Variants in SLCO3A1 observed in about 807,000 individuals in gnomAD.
The protein encoded by SLCO3A1 is solute carrier organic anion transporter family member 3A1, also known as PGE1 transporter.
A neutral mutation model predicts 63.1 loss-of-function variants in SLCO3A1; 27 were observed. That is an observed-to-expected ratio of 0.43 (90% CI 0.32 to 0.59). The LOEUF is 0.59. Among genes scored for constraint, SLCO3A1 ranks in the 20% least tolerant of loss-of-function variants. SLCO3A1 has a pLI of 0.09. For missense variants in SLCO3A1, 773 were observed against 945.8 expected (o/e 0.82, Z 2.40); for synonymous variants, 473 against 409.9 (o/e 1.15, Z -1.86).
At chr15:91,991,721 C>G (rs1430360053) in intron 2 of SLCO3A1, among the ~76,000 whole-genome samples, 1 of 152,220 alleles carries the variant, frequency 6.6e-6, no homozygotes, top group Non-Finnish European at 1.5e-5. Context: ...GCATGTAAGT[C>G]TTTATGCTTT....
At chr15:92,108,222 T>G (rs1252907409) in intron 4 of SLCO3A1, among the ~76,000 whole-genome samples, 1 of 152,212 alleles carries the variant, frequency 6.6e-6, no homozygotes, top group Non-Finnish European at 1.5e-5. Flanking sequence ...AACAAATGCT[T>G]GGGTTTGTTA....
intron 2 of SLCO3A1, among the ~76,000 whole-genome samples, chr15:92,039,218 A>T (rs568212708): frequency 6.6e-6 from 1 of 152,220 alleles, no homozygotes; most frequent in African/African-American, 2.4e-5. Context: ...ACAAAACCCA[A>T]AATTGACAAA....
intron 2 of SLCO3A1, among the ~76,000 whole-genome samples, chr15:92,054,455 T>A (rs66521580): frequency 0.15 from 22,869 of 152,168 alleles, 1,758 homozygotes; most frequent in African/African-American, 0.17. Flanking sequence ...AGCCCTCTAT[T>A]ATTGTTTTTT....
intron 1 of SLCO3A1, among the ~76,000 whole-genome samples, chr15:91,884,036 G>A (rs898282503): frequency 1.3e-5 from 2 of 152,184 alleles, no homozygotes; most frequent in East Asian, 3.8e-4. Context: ...AATAAGAATC[G>A]TGATCGTATC....
rs1381353826 is a variant in SLCO3A1, at chr15:92,164,872, C to A, written c.*1737C>A. 7 of 985,292 alleles carry A rather than the reference C, an allele frequency of 7.1e-6. No homozygotes were observed. The highest frequency in any genetic ancestry group is 3.5e-5 in the African/African-American group (2 of 57,242). The allele number at this position is 985,292 out of a possible 1,614,324, so 61.0% of individuals were successfully genotyped here. A position where few individuals can be genotyped will look rare whatever the true frequency, so the allele number is the denominator to read the frequency against. ...GCTTAGGTAAAGGCACACACTCATA[C>A]ACACACAACAAAGGGCCCTGCTAAC... is the stretch of plus-strand genomic sequence containing the variant. On this transcript the variant is annotated 3_prime_UTR_variant, in exon 10 of 10. Transcript: ENST00000318445.
intron 2 of SLCO3A1, among the ~76,000 whole-genome samples, chr15:92,017,836 G>A (rs964879404): frequency 1.3e-5 from 2 of 152,170 alleles, no homozygotes; most frequent in Admixed American, 1.3e-4. Context: ...CAGCAGACCA[G>A]GGTGGAGGCT....
chr15:92,158,111 T>C (rs562466949), intron 9 of SLCO3A1, among the ~76,000 whole-genome samples: 1 of 152,328 alleles, frequency 6.6e-6, no homozygotes, highest in African/African-American at 2.4e-5. Context: ...GCCTCAGGTG[T>C]CCAGCGAAAT....
At chr15:91,867,034 G>C (rs1291495750) in intron 1 of SLCO3A1, among the ~76,000 whole-genome samples, 1 of 152,234 alleles carries the variant, frequency 6.6e-6, no homozygotes, top group Non-Finnish European at 1.5e-5. Context: ...TTGGAAACCT[G>C]GGATGGAGAA....
downstream of SLCO3A1, among the ~76,000 whole-genome samples, chr15:92,169,330 A>G (rs1000049856): frequency 1.5e-4 from 23 of 152,124 alleles, no homozygotes; most frequent in African/African-American, 5.1e-4. Context: ...ACCCATAACC[A>G]CTATGGGTAC....
intron 4 of SLCO3A1, among the ~76,000 whole-genome samples, chr15:92,108,341 C>T (rs917734474): frequency 1.3e-5 from 2 of 152,218 alleles, no homozygotes; most frequent in African/African-American, 4.8e-5. Flanking sequence ...TGGCTCTGCT[C>T]CTCCCTGATC....
At position 91,854,292 on chromosome 15, in the gene SLCO3A1, G is replaced by A. The variant is rs1208668799; in HGVS notation, c.180+204G>A. On this transcript the variant is annotated intron_variant, in intron 1 of 9. Transcript: ENST00000318445. This position sits in a 1 kb window ranked among gnomAD's most constrained non-coding sequence, Gnocchi z 6.4. ...CAGCGAGCGGGTAGCGGGCGGGACC[G>A]TTGATGCCGGTAGCAGCTCGCGCGC... 2.7e-6 allele frequency: 3 copies of A among 1,128,342 alleles called. No homozygotes were observed. The highest frequency in any genetic ancestry group is 3.3e-6 in the Non-Finnish European group (3 of 920,912). 69.9% of individuals were successfully genotyped at this position (1,128,342 alleles called of 1,614,324 possible).
At chr15:92,081,349 TTTC>T (rs1019610330) in intron 2 of SLCO3A1, among the ~76,000 whole-genome samples, 2 of 151,924 alleles carry the variant, frequency 1.3e-5, no homozygotes, top group African/African-American at 2.4e-5. Context: ...TGCTTTTTTT[TTTC>T]TTTTTCTCCT....
At chr15:92,003,422 T>A (rs2046278393) in intron 2 of SLCO3A1, among the ~76,000 whole-genome samples, 1 of 152,246 alleles carries the variant, frequency 6.6e-6, no homozygotes, top group Non-Finnish European at 1.5e-5. Context: ...TAGTACTTTA[T>A]TAGTTTTTCA....
In SLCO3A1 at chr15:92,165,024, A is replaced by AAGAG; in HGVS notation, c.*1890_*1891insGAGA. ...TTTGCATTTTACCCACAAGGCAAAC[A>AAGAG]AAAGAATCAGGAAGTAAAAAATGGT... On this transcript the variant is annotated 3_prime_UTR_variant, in exon 10 of 10. Transcript: ENST00000318445. 1.0e-6 allele frequency: 1 copy of AAGAG among 985,386 alleles called. No individual in the cohort carries two copies. 61.0% of individuals were successfully genotyped at this position (985,386 alleles called of 1,614,324 possible).
At chr15:92,040,209 T>TAA (rs1175535414) in intron 2 of SLCO3A1, among the ~76,000 whole-genome samples, 1 of 152,044 alleles carries the variant, frequency 6.6e-6, no homozygotes, top group Non-Finnish European at 1.5e-5. Context: ...GAACTCAAAG[T>TAA]AAAAAATTAA....
chr15:91,873,931 G>C (rs2151336667), intron 1 of SLCO3A1, among the ~76,000 whole-genome samples: 2 of 151,854 alleles, frequency 1.3e-5, no homozygotes, highest in Middle Eastern at 6.8e-3. Context: ...CTTTATTGTG[G>C]AAAATTACAC....
chr15:91,855,763 T>G (rs1325013039), intron 1 of SLCO3A1, among the ~76,000 whole-genome samples: 1 of 152,160 alleles, frequency 6.6e-6, no homozygotes, highest in Non-Finnish European at 1.5e-5. Context: ...TGTGGGTCTG[T>G]ACTGTGACAT....
intron 2 of SLCO3A1, among the ~76,000 whole-genome samples, chr15:92,061,610 C>G (rs2047087029): frequency 6.6e-6 from 1 of 152,200 alleles, no homozygotes; most frequent in Non-Finnish European, 1.5e-5. Flanking sequence ...TGGGAAGATC[C>G]TAAGAAAGCT....
chr15:92,104,276 C>T lies in SLCO3A1; in HGVS notation c.746-3C>T. On this transcript the variant is annotated splice_polypyrimidine_tract_variant and splice_region_variant and intron_variant, in intron 3 of 9. Transcript: ENST00000318445. ...CACTAAGCTGTGCTCTTTCCATTTA[C>T]AGGTAACCTGGACATCACTCCGGAC... The T allele has an allele frequency of 6.2e-7, 1 of 1,614,092 alleles. No homozygotes were observed. Among genetic ancestry groups the T allele is most frequent in the Non-Finnish European group, 8.5e-7 (1 of 1,180,004 alleles).
Sources: gnomAD v4.1 joint callset for allele counts (sites outside exome capture counted in the v4.1 genomes callset) on GRCh38, gnomAD v4.1.1 for gene constraint, Gnocchi (gnomAD v3.1) non-coding constraint, MANE v1.5 for transcripts, NCBI Gene and HGNC (gene_info 2026-07-23, HGNC 2026-07-21) for gene names.